The following BOD1L1 variants were observed in gnomAD, a reference collection of about 807,000 sequenced individuals.
BOD1L1 encodes the protein biorientation of chromosomes in cell division 1 like 1.
In BOD1L1, 86 loss-of-function variants were observed where a neutral mutation model predicts 240.7. The observed-to-expected ratio is 0.36, with a 90% CI of 0.30 to 0.43. The LOEUF (loss-of-function observed/expected upper bound fraction) is 0.43, where lower values mean the gene tolerates loss of function less well. BOD1L1 is among the 20% of genes least tolerant of loss of function. BOD1L1 has a pLI of 1.00. For synonymous variants in BOD1L1, 1,268 were observed against 1,272.3 expected (o/e 1.00, Z 0.07); for missense variants, 3,554 against 3,643.5 (o/e 0.98, Z 0.63).
rs1426296108 is a variant in BOD1L1 at position 13,614,331 on chromosome 4, C to G, written c.1039G>C (p.Asp347His). 1 of 1,550,350 alleles carries G rather than the reference C, an allele frequency of 6.5e-7. No homozygotes were observed. The change falls in exon 4 of 26, where the codon GAT becomes CAT. Residue 347 changes from aspartate to histidine, a missense_variant. By Grantham distance (81) the Asp-to-His change is moderately conservative. Coordinates refer to ENST00000040738, the MANE Select transcript of BOD1L1 (RefSeq NM_148894.3). The part of the protein sequence containing the change: ...EKKEKTEKKF[D>H]HSKKSEDTQK... ...GTATCTTCACTCTTTTTTGAGTGAT[C>G]AAATTTCTTTTCAGTCTTTTCCTTC...
chr4:13,584,644 T>C (rs574078537), intron 17 of BOD1L1, among the ~76,000 whole-genome samples: 5 of 152,306 alleles, frequency 3.3e-5, no homozygotes, highest in African/African-American at 1.2e-4. Context: ...GAACTGGCTC[T>C]TTCAGAGCCA....
rs1403875933 is a variant in BOD1L1 at position 13,601,703 on chromosome 4, C to A, written c.5197G>T (p.Glu1733Ter). Residue 1733 changes from glutamate (E) to a stop codon, truncating the protein, a stop_gained, in exon 10 of 26, where the codon GAA (glutamate) becomes TAA (stop). Transcript: ENST00000040738. LOFTEE classifies it high-confidence loss of function. ...ATCACAAAGTTATCACTTCTGCCTT[C>A]TGCTCCTGTACATGTCACAGTGCCC... ...TEGTVTCTGA[E>*]GRSDNFVICS... The A allele has an allele frequency of 6.2e-7, 1 of 1,613,922 alleles. No homozygotes were observed. Among genetic ancestry groups the A allele is most frequent in the Non-Finnish European group, 8.5e-7 (1 of 1,179,900 alleles).
chr4:13,620,508 T>G (rs1716964026), intron 1 of BOD1L1, among the ~76,000 whole-genome samples: 1 of 152,134 alleles, frequency 6.6e-6, no homozygotes, highest in Non-Finnish European at 1.5e-5. Context: ...CAGGAGCATT[T>G]AGTGAGCCTC....
In BOD1L1 at chr4:13,582,325, G is replaced by A; in HGVS notation, c.8519-15C>T. 1.2e-6 allele frequency: 2 copies of A among 1,608,826 alleles called. No individual in the cohort carries two copies. Among genetic ancestry groups the A allele is most frequent in the Non-Finnish European group, 1.7e-6 (2 of 1,176,544 alleles). On this transcript the variant is annotated splice_polypyrimidine_tract_variant and intron_variant, in intron 18 of 25. Transcript: ENST00000040738. ...GCTATATTCATCTGTAGAAAAGGAA[G>A]AACTTTGTTCAATGCTAGTGACCAT...
intron 7 of BOD1L1, among the ~76,000 whole-genome samples, chr4:13,608,904 G>A (rs955545309): frequency 2.0e-5 from 3 of 152,130 alleles, no homozygotes; most frequent in South Asian, 4.1e-4. Context: ...TTAGTGCCCA[G>A]AGGGAATACA....
chr4:13,608,468 C>G, intron 8 of BOD1L1, 62 bp downstream of exon 8: 2 of 1,363,176 alleles, frequency 1.5e-6, no homozygotes, highest in South Asian at 1.8e-5. Flanking sequence ...ACTTCAATTC[C>G]TCTCTTCTGA....
In BOD1L1 at chr4:13,617,804, A is replaced by G. The variant is rs1162288242; in HGVS notation, c.368+2139T>C. On this transcript the variant is annotated intron_variant, in intron 2 of 25. Coordinates refer to ENST00000040738, the MANE Select transcript of BOD1L1 (RefSeq NM_148894.3). Reference sequence around the variant, plus strand: ...GAGTCAAGTGAGTATGTCTCAAAGCATACGTACAAAAAACTGTTTGAAATT... The same window carrying G: ...GAGTCAAGTGAGTATGTCTCAAAGCGTACGTACAAAAAACTGTTTGAAATT... Among the ~76,000 whole-genome samples the G allele has an allele frequency of 4.6e-5, 7 of 152,302 alleles. No homozygotes were observed. In the East Asian group the frequency reaches 1.3e-3, roughly 29 times the overall value.
At chr4:13,570,173 T>C (rs1470851347) in intron 25 of BOD1L1, 45 bp from the exon 26 acceptor site, 1 of 1,372,446 alleles carries the variant, frequency 7.3e-7, no homozygotes, top group Non-Finnish European at 9.8e-7. Flanking sequence ...TAAAAGCAGC[T>C]GCTTCAAATA....
rs536415998 is a variant in BOD1L1, at chr4:13,605,046, C to T, written c.1854G>A (p.Leu618=). 14 of 1,578,344 alleles carry T rather than the reference C, an allele frequency of 8.9e-6. No homozygotes were observed. The Admixed American group carries it at 2.8e-4, about 32-fold the overall frequency. Residue 618 remains leucine (L), a synonymous_variant, in exon 10 of 26, where the codon CTG becomes CTA. Coordinates refer to ENST00000040738, the MANE Select transcript of BOD1L1 (RefSeq NM_148894.3). ...EKEKISSSKE[L]KHVHAKSEPS... ...GTTCACTTTTTGCATGAACATGCTT[C>T]AGCTCCTTTGAAGAAGAAATTTTTT...
Position 13,613,445 on chromosome 4 carries a change from G to T in BOD1L1, c.1324+67C>A. The T allele has an allele frequency of 7.2e-7, 1 of 1,394,872 alleles. No homozygotes were observed. The allele number at this position is 1,394,872 out of a possible 1,614,324, so 86.4% of individuals were successfully genotyped here. On this transcript the variant is annotated intron_variant, in intron 5 of 25. Transcript: ENST00000040738. This position sits in a 1 kb window ranked among gnomAD's most constrained non-coding sequence, Gnocchi z 4.0. ...ATACCACACTGTTTCTCAGGATATA[G>T]CCATCAGAATATACAAATAATGCTT...
At chr4:13,618,338 G>T (rs955863942) in intron 2 of BOD1L1, among the ~76,000 whole-genome samples, 1 of 152,212 alleles carries the variant, frequency 6.6e-6, no homozygotes, top group Non-Finnish European at 1.5e-5. Flanking sequence ...CTGAATGAAA[G>T]TAATCAGTAG....
chr4:13,605,190 A>G (rs1201063613), intron 9 of BOD1L1, 106 bp from the exon 10 acceptor site: 1 of 944,262 alleles, frequency 1.1e-6, no homozygotes, highest in East Asian at 3.1e-5. Context: ...CACATATGTA[A>G]CATCTCACTT....
chr4:13,607,026 A>G (rs1715762145), intron 9 of BOD1L1, 91 bp downstream of exon 9: 2 of 893,436 alleles, frequency 2.2e-6, no homozygotes, highest in Non-Finnish European at 3.2e-6. Flanking sequence ...ACTTGAAAAA[A>G]GTCAAATTAC....
chr4:13,576,519 A>G (rs974563440), intron 25 of BOD1L1, among the ~76,000 whole-genome samples: 1 of 151,978 alleles, frequency 6.6e-6, no homozygotes, highest in African/African-American at 2.4e-5. Flanking sequence ...ATGTATGTCC[A>G]TATTCATGAA....
chr4:13,621,716 C>T (rs1277186432), intron 1 of BOD1L1, among the ~76,000 whole-genome samples: 1 of 152,168 alleles, frequency 6.6e-6, no homozygotes, highest in African/African-American at 2.4e-5. Context: ...GTAACTATCT[C>T]TAACACAGAA....
At chr4:13,597,048 T>C in intron 11 of BOD1L1, 56 bp downstream of exon 11, 1 of 1,335,166 alleles carries the variant, frequency 7.5e-7, no homozygotes, top group Non-Finnish European at 1.1e-6. Context: ...TGTGTATATG[T>C]GATGAAACAG....
chr4:13,604,830 G>C lies in BOD1L1; in HGVS notation c.2070C>G (p.Pro690=). Residue 690 remains proline (P), a synonymous_variant, in exon 10 of 26, where the codon CCC becomes CCG. Transcript: ENST00000040738. ...VERSEICTEE[P]QKQKSTLKNE... is the part of the protein sequence containing the mutation. ...TTTTAAGTGTGCTTTTCTGTTTCTG[G>C]GGCTCTTCGGTGCAAATTTCTGAGC... 15 of 1,611,766 alleles carry C rather than the reference G, an allele frequency of 9.3e-6. No individual in the cohort carries two copies. Among genetic ancestry groups the C allele is most frequent in the Non-Finnish European group, 1.3e-5 (15 of 1,179,406 alleles).
chr4:13,617,211 C>G (rs1485823817), intron 2 of BOD1L1, among the ~76,000 whole-genome samples: 3 of 143,976 alleles, frequency 2.1e-5, no homozygotes, highest in Non-Finnish European at 3.0e-5. Context: ...CACCACTGCA[C>G]TCCACCCTGG....
chr4:13,611,070 TTTG>T lies in BOD1L1; in HGVS notation c.1352_1354del (p.Thr451del). The T allele has an allele frequency of 6.2e-7, 1 of 1,609,918 alleles. No individual in the cohort carries two copies. The highest frequency in any genetic ancestry group is 8.5e-7 in the Non-Finnish European group (1 of 1,177,314). On this transcript the variant is annotated inframe_deletion, in exon 6 of 26. Coordinates refer to ENST00000040738, the MANE Select transcript of BOD1L1 (RefSeq NM_148894.3). ...TTCACTAGAATCACTAGTTTGAGTT[TTTG>T]TTTTATTCTGTTTGTTCTTCTCTTC...
Sources: allele counts gnomAD v4.1 joint callset (sites outside exome capture counted in the v4.1 genomes callset), GRCh38; gene constraint gnomAD v4.1.1; non-coding constraint Gnocchi (gnomAD v3.1); transcripts MANE v1.5; gene names NCBI Gene and HGNC (gene_info 2026-07-23, HGNC 2026-07-21).